The following KANK4 variants were observed in gnomAD, a reference collection of about 807,000 sequenced individuals.
The protein encoded by KANK4 is KN motif and ankyrin repeat domain-containing protein 4.
A neutral mutation model predicts 80.8 loss-of-function variants in KANK4; 50 were observed. The observed-to-expected ratio is 0.62, with a 90% CI of 0.49 to 0.78. KANK4 has a LOEUF of 0.78. Ranked by LOEUF, KANK4 falls within the 30% of genes least tolerant of loss-of-function variation. The probability of loss-of-function intolerance (pLI) is 0.00; values close to 1 mark genes in which losing one functional copy is unlikely to be tolerated. For synonymous variants in KANK4, 465 were observed against 506.9 expected, an observed-to-expected ratio of 0.92 and a Z score of 1.11; for missense variants, 1,196 against 1,240.1, an observed-to-expected ratio of 0.96 and a Z score of 0.53.
chr1:62,296,448 A>C (rs922163821), intron 1 of KANK4, among the ~76,000 whole-genome samples: 12 of 152,222 alleles, frequency 7.9e-5, no homozygotes, highest in Non-Finnish European at 1.3e-4. Context: ...CTGCATAATA[A>C]TGGAGGGATA....
At chr1:62,238,819 G>A (rs1018070805) in intron 9 of KANK4, among the ~76,000 whole-genome samples, 1 of 151,980 alleles carries the variant, frequency 6.6e-6, no homozygotes, top group Non-Finnish European at 1.5e-5. Flanking sequence ...TTGTAGAGAC[G>A]GGGTGTCACC....
chr1:62,302,173 T>C (rs966255918), intron 1 of KANK4, among the ~76,000 whole-genome samples: 1 of 152,028 alleles, frequency 6.6e-6, no homozygotes, highest in African/African-American at 2.4e-5. Context: ...AAGCAGCAGA[T>C]GGGCTACGCT....
At chr1:62,306,753 A>C (rs1305401125) in intron 1 of KANK4, among the ~76,000 whole-genome samples, 3 of 152,110 alleles carry the variant, frequency 2.0e-5, no homozygotes, top group Non-Finnish European at 4.4e-5. Flanking sequence ...AGCCTTTCAA[A>C]TTGTAAAGGC....
At chr1:62,245,886 G>A (rs1199833243) in intron 9 of KANK4, among the ~76,000 whole-genome samples, 2 of 152,146 alleles carry the variant, frequency 1.3e-5, no homozygotes, top group East Asian at 3.8e-4. Context: ...TCAATGATAT[G>A]TGGCGGGCAC....
chr1:62,279,844 G>A (rs1272392046), intron 2 of KANK4, among the ~76,000 whole-genome samples: 1 of 152,092 alleles, frequency 6.6e-6, no homozygotes, highest in African/African-American at 2.4e-5. Context: ...CTGGGGAGAA[G>A]AAAAAAGAAA....
chr1:62,248,582 G>C (rs1671528587), intron 8 of KANK4, among the ~76,000 whole-genome samples: 1 of 143,930 alleles, frequency 6.9e-6, no homozygotes, highest in Non-Finnish European at 1.5e-5. Context: ...TCTCACTCTT[G>C]TCGCCGAGGC....
In KANK4 at chr1:62,275,052, CTT is replaced by C; in HGVS notation, c.50_51del (p.Lys17ArgfsTer28). 1 of 1,613,340 alleles carries C rather than the reference CTT, an allele frequency of 6.2e-7. No homozygotes were observed. The highest frequency in any genetic ancestry group is 8.5e-7 in the Non-Finnish European group (1 of 1,179,674). On this transcript the variant is annotated frameshift_variant, in exon 3 of 10. Coordinates refer to ENST00000371153, the MANE Select transcript of KANK4 (RefSeq NM_181712.5). LOFTEE classifies it high-confidence loss of function. ...GAATAAGGGTGGCTCTTCGGAGGGT[CTT>C]TCTCTTCATCCCCCTGAGAGGACTG... Reference protein sequence around the residue: ...KDQSSQGDEEKDPPKSHPYSV... With the variant: ...KDQSSQGDEEXDPPKSHPYSV...
intron 7 of KANK4, among the ~76,000 whole-genome samples, chr1:62,254,305 G>A (rs1297093277): frequency 6.7e-6 from 1 of 150,034 alleles, no homozygotes; most frequent in Non-Finnish European, 1.5e-5. Flanking sequence ...GGAGTGCAGT[G>A]GTGCAATCTC....
At chr1:62,312,994 T>C (rs1163472843) in intron 1 of KANK4, among the ~76,000 whole-genome samples, 3 of 152,182 alleles carry the variant, frequency 2.0e-5, no homozygotes, top group African/African-American at 7.2e-5. Context: ...ACCCCTGTTA[T>C]CTGCAGTTTC....
At chr1:62,263,550 T>G (rs1671945261) in intron 6 of KANK4, 2 of 484,590 alleles carry the variant, frequency 4.1e-6, no homozygotes, top group East Asian at 4.1e-5. Flanking sequence ...TAGTAACCAG[T>G]AACAAGGCAC....
chr1:62,312,899 C>T (rs1436240758), intron 1 of KANK4, among the ~76,000 whole-genome samples: 1 of 152,222 alleles, frequency 6.6e-6, no homozygotes, highest in Admixed American at 6.5e-5. Flanking sequence ...AACTCAAACT[C>T]CTCTCCACGG....
intron 1 of KANK4, among the ~76,000 whole-genome samples, chr1:62,292,340 C>T (rs1489009647): frequency 6.6e-6 from 1 of 152,144 alleles, no homozygotes; most frequent in Non-Finnish European, 1.5e-5. Context: ...AACACGTGAA[C>T]ACGCAGGAGG....
At chr1:62,311,800 C>T (rs1050127963) in intron 1 of KANK4, among the ~76,000 whole-genome samples, 13 of 152,176 alleles carry the variant, frequency 8.5e-5, no homozygotes, top group African/African-American at 2.4e-4. Flanking sequence ...GTAAATTGAC[C>T]TCTAGATAAC....
Position 62,307,927 on chromosome 1 carries a change from C to T in KANK4, c.-71+11179G>A, listed in dbSNP as rs1011153444. Among the ~76,000 whole-genome samples, 3 of 152,230 alleles carry T rather than the reference C, an allele frequency of 2.0e-5. No homozygotes were observed. In the East Asian group the frequency reaches 5.8e-4, roughly 29 times the overall value. ...GCCAGCTAGGCCCTGAAGGCTGTCT[C>T]TGCATACCTCTCTAGCCTCATCTCC... On this transcript the variant is annotated intron_variant, in intron 1 of 9. Transcript: ENST00000371153.
Position 62,274,754 on chromosome 1 carries a change from TG to T in KANK4, c.349del (p.Gln117ArgfsTer9). On this transcript the variant is annotated frameshift_variant, in exon 3 of 10. Coordinates refer to ENST00000371153, the MANE Select transcript of KANK4 (RefSeq NM_181712.5). LOFTEE classifies it high-confidence loss of function. ...NQSPPLGNAPQASTSRSEVSY... is the reference protein window; with the variant it reads ...NQSPPLGNAPXASTSRSEVSY... ...CACCTCACTCCTGCTTGTTGAGGCC[TG>T]GGGGGCATTACCAAGCGGTGGTGAC... 6.2e-7 allele frequency: 1 copy of T among 1,613,828 alleles called. No individual in the cohort carries two copies. Among genetic ancestry groups the T allele is most frequent in the Non-Finnish European group, 8.5e-7 (1 of 1,179,874 alleles).
intron 7 of KANK4, among the ~76,000 whole-genome samples, chr1:62,255,891 C>G (rs1671740941): frequency 6.6e-6 from 1 of 152,172 alleles, no homozygotes; most frequent in Non-Finnish European, 1.5e-5. Flanking sequence ...CTCAAGCCAT[C>G]CATCCACTTT....
intron 4 of KANK4, among the ~76,000 whole-genome samples, chr1:62,270,154 A>G (rs1224180306): frequency 6.6e-6 from 1 of 152,184 alleles, no homozygotes; most frequent in Non-Finnish European, 1.5e-5. Context: ...GGCAGGGGCT[A>G]AGGCTGGGCA....
chr1:62,277,539 T>A (rs1212414774), intron 2 of KANK4, among the ~76,000 whole-genome samples: 3 of 152,128 alleles, frequency 2.0e-5, no homozygotes, highest in Non-Finnish European at 4.4e-5. Flanking sequence ...GAAGGCTAGG[T>A]CATAAGAAGC....
chr1:62,272,885 G>T (rs568889027), intron 3 of KANK4: 1 of 196,034 alleles, frequency 5.1e-6, no homozygotes, highest in African/African-American at 2.4e-5. Flanking sequence ...CCGCCTCCTG[G>T]GTTCAAGTGA....
Sources: gnomAD v4.1 joint callset for allele counts (sites outside exome capture counted in the v4.1 genomes callset) on GRCh38, gnomAD v4.1.1 for gene constraint, MANE v1.5 for transcripts, NCBI Gene and HGNC (gene_info 2026-07-23, HGNC 2026-07-21) for gene names.